The following ALDOB variants were observed in gnomAD, a reference collection of about 807,000 sequenced individuals.
The protein encoded by ALDOB is aldolase, fructose-bisphosphate B.
Under a neutral mutation model 41.0 loss-of-function variants are expected in ALDOB, and 39 were observed. The observed-to-expected ratio is 0.95, with a 90% CI of 0.74 to 1.24. The LOEUF (loss-of-function observed/expected upper bound fraction) is 1.24. Ranked by LOEUF, ALDOB falls within the 50% of genes most tolerant of loss-of-function variation. The pLI, the probability that ALDOB is intolerant of heterozygous loss-of-function variation, is 0.00. For synonymous variants in ALDOB, 175 were observed against 168.8 expected (o/e 1.04, Z -0.28); for missense variants, 530 against 457.3 (o/e 1.16, Z -1.45).
At chr9:101,428,361 C>T (rs1331549629) in intron 4 of ALDOB, 108 bp downstream of exon 4, 2 of 1,036,770 alleles carry the variant, frequency 1.9e-6, no homozygotes, top group Non-Finnish European at 3.1e-6. Flanking sequence ...ACGTGTGGCT[C>T]TAAGACCAGT....
rs1248064943 is a variant in ALDOB, at chr9:101,428,512, T to C, written c.336A>G (p.Gly112=). The C allele has an allele frequency of 6.2e-7, 1 of 1,613,928 alleles. No individual in the cohort carries two copies. Among genetic ancestry groups the C allele is most frequent in the Non-Finnish European group, 8.5e-7 (1 of 1,179,774 alleles). The change falls in exon 4 of 9, where the codon GGA becomes GGG. Residue 112 remains glycine, a synonymous_variant. Coordinates refer to ENST00000647789, the MANE Select transcript of ALDOB (RefSeq NM_000035.4). The stretch of plus-strand genomic sequence containing the variant: ...TGTTTGTTCCTGCAAGAGGAGCACC[T>C]CCTTGGTCTAACTGTGGATACAAAT... The part of the protein sequence containing the change: ...GIVVGIKLDQ[G]GAPLAGTNKE...
At chr9:101,427,375 T>C (rs1831146288) in intron 5 of ALDOB, 107 bp downstream of exon 5, 1 of 1,402,886 alleles carries the variant, frequency 7.1e-7, no homozygotes, top group Non-Finnish European at 9.8e-7. Context: ...TAGGATATAC[T>C]GGTGAGGGAA....
rs10989495 is a variant in ALDOB, at chr9:101,425,039, A to T, written c.803T>A (p.Ile268Asn). 3 of 1,614,198 alleles carry T rather than the reference A, an allele frequency of 1.9e-6. No individual in the cohort carries two copies. The East Asian group carries it at 6.7e-5, about 36-fold the overall frequency. The change falls in exon 8 of 9, where the codon ATC (isoleucine) becomes AAC (asparagine). Residue 268 changes from isoleucine (I) to asparagine (N), a missense_variant. Coordinates refer to ENST00000647789, the MANE Select transcript of ALDOB (RefSeq NM_000035.4). ...ACTCATGCCACCAGACAAAAAGCAGATGCCTGGTAGGAGAGAAGCCATTTC... is the reference window on the plus strand; with the variant it reads ...ACTCATGCCACCAGACAAAAAGCAGTTGCCTGGTAGGAGAGAAGCCATTTC... ...HRTVPAAVPG[I>N]CFLSGGMSEE...
chr9:101,426,581 C>G lies in ALDOB; in HGVS notation c.598G>C (p.Glu200Gln). ...TTCTCAGTAACATACTGGCAGTGTT[C>G]CAGGTCATGGTCTCCATCAGGAATT... ...EVIPDGDHDLEHCQYVTEKVL... is the reference protein window; with the variant it reads ...EVIPDGDHDLQHCQYVTEKVL... The change falls in exon 6 of 9, where the codon GAA (glutamate) becomes CAA (glutamine). Residue 200 changes from glutamate (E) to glutamine (Q), a missense_variant. Physicochemically the swap from Glu to Gln is conservative, Grantham distance 29 (BLOSUM62 2). Transcript: ENST00000647789. The G allele has an allele frequency of 6.2e-7, 1 of 1,612,622 alleles. No homozygotes were observed. The highest frequency in any genetic ancestry group is 8.5e-7 in the Non-Finnish European group (1 of 1,178,648).
At chr9:101,435,666 C>T (rs1002038217) in intron 1 of ALDOB, 43 bp downstream of exon 1, 1 of 152,150 alleles carries the variant, frequency 6.6e-6, no homozygotes. Flanking sequence ...ACCCCTTATT[C>T]ACTGGTGCTG....
chr9:101,429,776 C>T lies in ALDOB; in HGVS notation c.303G>A (p.Lys101=). Residue 101 remains lysine (K), a synonymous_variant, in exon 3 of 9, where the codon AAG becomes AAA. Transcript: ENST00000647789. ...TCACCTTGATTCCCACCACGATCCC[C>T]TTTTCCTTGAGGATGTTTCTGAACA... ...GKLFRNILKE[K]GIVVGIKLDQ... The T allele has an allele frequency of 1.2e-6, 2 of 1,614,136 alleles. No individual in the cohort carries two copies. The highest frequency in any genetic ancestry group is 1.7e-6 in the Non-Finnish European group (2 of 1,180,028).
intron 6 of ALDOB, 101 bp downstream of exon 6, chr9:101,426,454 A>G (rs1831129961): frequency 2.5e-6 from 2 of 796,528 alleles, no homozygotes; most frequent in Admixed American, 3.7e-5. Context: ...TCCATCCTAA[A>G]GGCTACTTCA....
At chr9:101,432,640 A>G (rs1831237767) in intron 1 of ALDOB, among the ~76,000 whole-genome samples, 1 of 152,254 alleles carries the variant, frequency 6.6e-6, no homozygotes, top group Admixed American at 6.5e-5. Flanking sequence ...TACATGCACT[A>G]TATAATTTTT....
chr9:101,433,230 A>G (rs981127571), intron 1 of ALDOB, among the ~76,000 whole-genome samples: 3 of 152,222 alleles, frequency 2.0e-5, no homozygotes, highest in East Asian at 3.8e-4. Flanking sequence ...TTTTTTAATG[A>G]AAAAAATCAC....
intron 2 of ALDOB, 47 bp downstream of exon 2, chr9:101,430,729 G>T (rs1564079112): frequency 7.0e-7 from 1 of 1,433,766 alleles, no homozygotes; most frequent in African/African-American, 1.4e-5. Context: ...GCTAAGTGTA[G>T]AAAAAATAAT....
chr9:101,430,942 T>C, intron 1 of ALDOB, 45 bp from the exon 2 acceptor site: 1 of 1,359,728 alleles, frequency 7.4e-7, no homozygotes. Flanking sequence ...CATGGGTGGC[T>C]CAGATGGATG....
At position 101,421,749 on chromosome 9, in the gene ALDOB, G is replaced by A. The variant is rs1478457026; in HGVS notation, c.*60C>T. 7.3e-7 allele frequency: 1 copy of A among 1,366,994 alleles called. No homozygotes were observed. Among genetic ancestry groups the A allele is most frequent in the South Asian group, 1.2e-5 (1 of 84,938 alleles). The allele number at this position is 1,366,994 out of a possible 1,614,324, so 84.7% of individuals were successfully genotyped here. A position where few individuals can be genotyped will look rare whatever the true frequency, so the allele number is the denominator to read the frequency against. ...TCGAATTTCCAGGATTGGAGGAAAA[G>A]TTGCTCCCTTTCAGCCCTCCTACTA... On this transcript the variant is annotated 3_prime_UTR_variant, in exon 9 of 9. Coordinates refer to ENST00000647789, the MANE Select transcript of ALDOB (RefSeq NM_000035.4).
intron 3 of ALDOB, among the ~76,000 whole-genome samples, 172 bp downstream of exon 3, chr9:101,429,583 T>C (rs1831184025): frequency 6.6e-6 from 1 of 152,080 alleles, no homozygotes; most frequent in African/African-American, 2.4e-5. Context: ...AAGAGGGCAC[T>C]GGAGGAAAAC....
chr9:101,430,947 T>C, intron 1 of ALDOB, 50 bp from the exon 2 acceptor site: 4 of 1,301,050 alleles, frequency 3.1e-6, no homozygotes, highest in Non-Finnish European at 4.5e-6. Flanking sequence ...GTGGCTCAGA[T>C]GGATGCATGA....
In ALDOB at chr9:101,425,482, A is replaced by G. The variant is rs764701775; in HGVS notation, c.770T>C (p.Leu257Pro). 2 of 1,614,174 alleles carry G rather than the reference A, an allele frequency of 1.2e-6. No homozygotes were observed. The highest frequency in any genetic ancestry group is 1.7e-6 in the Non-Finnish European group (2 of 1,180,024). ...AACAGCTGCAGGAACAGTACGGTGG[A>G]GAGCTGTTACGGTGGCCATAGCTAC... ...EQVAMATVTA[L>P]HRTVPAAVPG... is the part of the protein sequence containing the mutation. Residue 257 changes from leucine (L) to proline (P), a missense_variant, in exon 7 of 9, where the codon CTC becomes CCC. Coordinates refer to ENST00000647789, the MANE Select transcript of ALDOB (RefSeq NM_000035.4).
chr9:101,424,737 T>C, intron 8 of ALDOB, 106 bp downstream of exon 8: 5 of 1,341,820 alleles, frequency 3.7e-6, no homozygotes, highest in Non-Finnish European at 5.3e-6. Flanking sequence ...ATAGACACTA[T>C]CGGTAGATAC....
In ALDOB at chr9:101,427,492, A is replaced by T. The variant is rs763858083; in HGVS notation, c.530T>A (p.Ile177Asn). Residue 177 changes from isoleucine (I) to asparagine (N), a missense_variant, in exon 5 of 9, where the codon ATC becomes AAC. Transcript: ENST00000647789. ...GGGAAGGCAGAGCACCTGCTGACAG[A>T]TGCTGGCGTAGCGAGCCAGGGCGTT... ...NANALARYAS[I>N]CQQNGLVPIV... 5.0e-6 allele frequency: 8 copies of T among 1,614,196 alleles called. No homozygotes were observed. In the South Asian group the frequency reaches 6.6e-5, roughly 13 times the overall value.
Position 101,420,930 on chromosome 9 carries a change from G to C in ALDOB, c.*879C>G, listed in dbSNP as rs1831038043. 6.6e-6 allele frequency: 1 copy of C among 152,194 alleles called. No homozygotes were observed. The highest frequency in any genetic ancestry group is 2.1e-4 in the South Asian group (1 of 4,836). 9.4% of individuals were successfully genotyped at this position (152,194 alleles called of 1,614,324 possible). A position where few individuals can be genotyped will look rare whatever the true frequency, so the allele number is the denominator to read the frequency against. ...GCCTGGACGTGCAGATGACAAGGTA[G>C]TCCTGTTTCACCAAACCTGGGCCAC... On this transcript the variant is annotated 3_prime_UTR_variant, in exon 9 of 9. Transcript: ENST00000647789.
chr9:101,423,683 A>G (rs1027405366), intron 8 of ALDOB, among the ~76,000 whole-genome samples: 10 of 151,990 alleles, frequency 6.6e-5, no homozygotes, highest in African/African-American at 2.4e-4. Flanking sequence ...TGTGCCACCT[A>G]TGCTTAATAT....
Sources: gnomAD v4.1 joint callset for allele counts (sites outside exome capture counted in the v4.1 genomes callset) on GRCh38, gnomAD v4.1.1 for gene constraint, MANE v1.5 for transcripts, NCBI Gene and HGNC (gene_info 2026-07-23, HGNC 2026-07-21) for gene names.